The following SIK3 variants were observed in gnomAD, a reference collection of about 807,000 sequenced individuals.
SIK3 encodes the protein SIK family kinase 3.
SIK3 carries 28 observed loss-of-function variants against 144.2 expected under a neutral mutation model. The ratio of observed to expected loss-of-function variants is 0.19; its 90% confidence interval spans 0.14 to 0.27. The LOEUF (loss-of-function observed/expected upper bound fraction) is 0.27. Ranked by LOEUF, SIK3 falls within the 10% of genes least tolerant of loss-of-function variation. The probability of loss-of-function intolerance (pLI) is 1.00; values close to 1 mark genes in which losing one functional copy is unlikely to be tolerated. For synonymous variants in SIK3, 686 were observed against 676.3 expected (o/e 1.01, Z -0.22); for missense variants, 1,319 against 1,776.0 (o/e 0.74, Z 4.62).
At chr11:116,926,025 C>T (rs1000928514) in intron 4 of SIK3, among the ~76,000 whole-genome samples, 9 of 152,178 alleles carry the variant, frequency 5.9e-5, no homozygotes, top group African/African-American at 2.2e-4. Flanking sequence ...AAAAGCAACT[C>T]TCAGAAGAAT....
At chr11:117,053,353 A>T (rs75673787) in intron 1 of SIK3, among the ~76,000 whole-genome samples, 1 of 152,010 alleles carries the variant, frequency 6.6e-6, no homozygotes, top group East Asian at 1.9e-4. Flanking sequence ...AAAAAAAAAA[A>T]GTAAAGTGGC....
intron 11 of SIK3, among the ~76,000 whole-genome samples, chr11:116,874,517 T>C (rs887040261): frequency 6.6e-6 from 1 of 152,234 alleles, no homozygotes; most frequent in Non-Finnish European, 1.5e-5. Flanking sequence ...AATGATAGGT[T>C]TTACAGCATA....
At position 117,058,870 on chromosome 11, in the gene SIK3, T is replaced by C. The variant is rs568438009; in HGVS notation, c.273+39273A>G. On this transcript the variant is annotated intron_variant, in intron 1 of 24. Transcript: ENST00000445177. Reference sequence around the variant, plus strand: ...GGAACACAGAAAAAGGGCAGTACTGTTAATCCACAGCTGGAGATCTGCATG... The same window carrying C: ...GGAACACAGAAAAAGGGCAGTACTGCTAATCCACAGCTGGAGATCTGCATG... 3.3e-5 allele frequency among the ~76,000 whole-genome samples: 5 copies of C among 152,292 alleles called. No individual in the cohort carries two copies. In the South Asian group the frequency reaches 1.0e-3, roughly 32 times the overall value.
chr11:116,897,942 A>C (rs1591264552), intron 4 of SIK3, among the ~76,000 whole-genome samples: 1 of 152,068 alleles, frequency 6.6e-6, no homozygotes, highest in Non-Finnish European at 1.5e-5. Flanking sequence ...TAGAATCAGG[A>C]AACACATGTA....
At chr11:116,887,330 A>AGTCTG (rs1210076484) in intron 6 of SIK3, among the ~76,000 whole-genome samples, 11 of 151,850 alleles carry the variant, frequency 7.2e-5, no homozygotes, top group Non-Finnish European at 1.3e-4. Flanking sequence ...ATAATACAAG[A>AGTCTG]GTCTGGCAGG....
intron 1 of SIK3, among the ~76,000 whole-genome samples, chr11:117,090,242 G>C (rs1955184248): frequency 6.6e-6 from 1 of 152,202 alleles, no homozygotes; most frequent in Middle Eastern, 3.4e-3. Context: ...CCCAGAAAGG[G>C]ACCAAGCTAC....
intron 1 of SIK3, among the ~76,000 whole-genome samples, chr11:117,092,460 G>GC (rs759814994): frequency 1.2e-3 from 181 of 151,888 alleles, no homozygotes; most frequent in East Asian, 1.9e-3. Context: ...TGAGGCAGCA[G>GC]CCCCCCCCAG....
intron 1 of SIK3, among the ~76,000 whole-genome samples, chr11:117,015,648 C>T (rs1047242166): frequency 3.3e-5 from 5 of 151,958 alleles, no homozygotes; most frequent in African/African-American, 1.2e-4. Context: ...AATCTCAGCT[C>T]ACTGCAACCT....
intron 1 of SIK3, among the ~76,000 whole-genome samples, chr11:117,084,008 C>T (rs1171378423): frequency 6.6e-6 from 1 of 152,194 alleles, no homozygotes. Context: ...TCGAAGTACA[C>T]ACTATAAATA....
intron 1 of SIK3, among the ~76,000 whole-genome samples, chr11:116,977,051 TTAAAAA>T (rs1949969443): frequency 6.6e-6 from 1 of 152,026 alleles, no homozygotes. Flanking sequence ...AATAGGACAA[TTAAAAA>T]TAAAAAATAA....
intron 4 of SIK3, among the ~76,000 whole-genome samples, chr11:116,921,314 G>T (rs1345647657): frequency 2.0e-5 from 3 of 152,132 alleles, no homozygotes; most frequent in Admixed American, 2.0e-4. Context: ...TTATATATAT[G>T]CAAAGCATAA....
At chr11:116,854,517 C>T (rs572996923) in intron 21 of SIK3, among the ~76,000 whole-genome samples, 1 of 152,304 alleles carries the variant, frequency 6.6e-6, no homozygotes, top group Admixed American at 6.5e-5. Flanking sequence ...TTTTACATCC[C>T]CTAGTAGAGT....
chr11:116,974,281 A>G (rs1412956376), intron 1 of SIK3, among the ~76,000 whole-genome samples: 1 of 152,226 alleles, frequency 6.6e-6, no homozygotes, highest in African/African-American at 2.4e-5. Flanking sequence ...TACCAGACTA[A>G]ACAACAGCTT....
intron 6 of SIK3, among the ~76,000 whole-genome samples, chr11:116,879,085 T>C (rs1282760546): frequency 6.6e-6 from 1 of 152,250 alleles, no homozygotes; most frequent in Non-Finnish European, 1.5e-5. Flanking sequence ...AAAATGGTTA[T>C]TATATCTAGA....
intron 1 of SIK3, among the ~76,000 whole-genome samples, chr11:116,993,854 T>TA (rs1430490959): frequency 6.6e-6 from 1 of 152,182 alleles, no homozygotes; most frequent in Non-Finnish European, 1.5e-5. Context: ...AAAGGGAACT[T>TA]ACAGCGTGAC....
At chr11:116,869,797 T>C in intron 14 of SIK3, 1 of 274,298 alleles carries the variant, frequency 3.6e-6, no homozygotes, top group Non-Finnish European at 7.2e-6. Context: ...CAATGGATAT[T>C]TGCATCTGTC....
At chr11:117,056,797 C>T (rs1388995689) in intron 1 of SIK3, among the ~76,000 whole-genome samples, 1 of 152,026 alleles carries the variant, frequency 6.6e-6, no homozygotes, top group Non-Finnish European at 1.5e-5. Flanking sequence ...CAAGGATATA[C>T]CTACAAATTC....
intron 1 of SIK3, among the ~76,000 whole-genome samples, chr11:116,999,656 C>T (rs1007184209): frequency 2.3e-4 from 35 of 152,018 alleles, no homozygotes. Flanking sequence ...AACTCCTGGC[C>T]TCAAGTGGTC....
chr11:116,861,218 T>C (rs1042793620), intron 19 of SIK3, 56 bp downstream of exon 19: 2 of 1,325,328 alleles, frequency 1.5e-6, no homozygotes, highest in African/African-American at 1.5e-5. Flanking sequence ...ACTGAGACCA[T>C]CATTTTTTCC....
Sources: allele counts gnomAD v4.1 joint callset (sites outside exome capture counted in the v4.1 genomes callset), GRCh38; gene constraint gnomAD v4.1.1; transcripts MANE v1.5; gene names NCBI Gene and HGNC (gene_info 2026-07-23, HGNC 2026-07-21).